Variants in RIMS2 observed in about 807,000 individuals in gnomAD.
The protein encoded by RIMS2 is regulating synaptic membrane exocytosis protein 2.
RIMS2 carries 59 observed loss-of-function variants against 174.4 expected under a neutral mutation model. The ratio of observed to expected loss-of-function variants is 0.34; its 90% CI spans 0.27 to 0.42. The LOEUF (loss-of-function observed/expected upper bound fraction) is 0.42. Ranked by LOEUF, RIMS2 falls within the 10% of genes least tolerant of loss-of-function variation. The pLI is 1.00. For missense variants in RIMS2, 1,620 were observed against 1,666.3 expected (o/e 0.97, Z 0.48); for synonymous variants, 606 against 572.5 (o/e 1.06, Z -0.84).
At chr8:103,763,258 T>A (rs1259218052) in intron 2 of RIMS2, among the ~76,000 whole-genome samples, 3 of 152,052 alleles carry the variant, frequency 2.0e-5, no homozygotes, top group Admixed American at 1.3e-4. Context: ...GGCAACATAG[T>A]GAAACCCCAT....
intron 1 of RIMS2, among the ~76,000 whole-genome samples, chr8:103,581,212 C>T (rs147134908): frequency 3.9e-4 from 60 of 152,208 alleles, no homozygotes; most frequent in African/African-American, 8.2e-4. Context: ...GACTGTAGAG[C>T]ATAAATGTAA....
chr8:103,910,002 A>C (rs1033380834), intron 4 of RIMS2: 1 of 523,446 alleles, frequency 1.9e-6, no homozygotes, highest in Non-Finnish European at 3.4e-6. Context: ...ATATATATAT[A>C]TATATAGTGA....
chr8:103,590,877 A>G (rs927255491), intron 1 of RIMS2, among the ~76,000 whole-genome samples: 1 of 151,120 alleles, frequency 6.6e-6, no homozygotes, highest in Non-Finnish European at 1.5e-5. Flanking sequence ...TTGTAGACAT[A>G]TGTTTTCATT....
At chr8:104,155,597 T>C (rs2098718634) in intron 19 of RIMS2, among the ~76,000 whole-genome samples, 1 of 150,670 alleles carries the variant, frequency 6.6e-6, no homozygotes, top group Non-Finnish European at 1.5e-5. Context: ...GTATTTTTAG[T>C]GGAGATGGGG....
In RIMS2 at chr8:103,814,965, T is replaced by C. The variant is rs1448975351; in HGVS notation, c.698+48428T>C. 2.6e-5 allele frequency among the ~76,000 whole-genome samples: 4 copies of C among 152,300 alleles called. No homozygotes were observed. In the East Asian group the frequency reaches 7.7e-4, roughly 29 times the overall value. On this transcript the variant is annotated intron_variant, in intron 3 of 23. Transcript: ENST00000504942. ...TTACTTGAGCATTGCTAAAGAAAAG[T>C]TCATGGGCCAACATTATACTTAATA...
At chr8:103,605,300 A>G (rs1588800368) in intron 1 of RIMS2, among the ~76,000 whole-genome samples, 1 of 144,728 alleles carries the variant, frequency 6.9e-6, no homozygotes, top group East Asian at 2.0e-4. Context: ...GCTGGATTAC[A>G]TTTATTGATT....
intron 1 of RIMS2, among the ~76,000 whole-genome samples, chr8:103,627,945 C>G (rs2095825836): frequency 6.6e-6 from 1 of 152,114 alleles, no homozygotes; most frequent in Non-Finnish European, 1.5e-5. Flanking sequence ...CTTTATGTAA[C>G]TGGGTGGTGA....
At chr8:104,073,784 C>T (rs1034085939) in intron 19 of RIMS2, among the ~76,000 whole-genome samples, 2 of 152,172 alleles carry the variant, frequency 1.3e-5, no homozygotes, top group Admixed American at 1.3e-4. Context: ...GCTTTTTCCC[C>T]AGGCTTCTAG....
At chr8:103,821,683 T>C (rs2098752705) in intron 3 of RIMS2, among the ~76,000 whole-genome samples, 4 of 151,710 alleles carry the variant, frequency 2.6e-5, no homozygotes, top group Admixed American at 6.6e-5. Flanking sequence ...CAAGGGTCTT[T>C]TAAACCTTTT....
chr8:104,050,958 A>G (rs2154558798), intron 19 of RIMS2, among the ~76,000 whole-genome samples: 1 of 152,284 alleles, frequency 6.6e-6, no homozygotes, highest in Non-Finnish European at 1.5e-5. Context: ...TAAATTGGCC[A>G]TGCGTGGTAG....
chr8:103,938,843 A>G (rs1223864695), intron 13 of RIMS2, among the ~76,000 whole-genome samples: 1 of 152,196 alleles, frequency 6.6e-6, no homozygotes, highest in Non-Finnish European at 1.5e-5. Context: ...GCAAGTCTGA[A>G]ATCCAGTGAG....
At chr8:104,054,860 T>C (rs775829237) in intron 19 of RIMS2, among the ~76,000 whole-genome samples, 1 of 152,156 alleles carries the variant, frequency 6.6e-6, no homozygotes, top group Non-Finnish European at 1.5e-5. Context: ...CAACATGTTA[T>C]TAGCATAAAG....
In RIMS2 at chr8:103,727,122, AT is replaced by A. The variant is rs545345911; in HGVS notation, c.387+29833del. 5.1e-3 allele frequency among the ~76,000 whole-genome samples: 782 copies of A among 152,058 alleles called. 2 individuals carry two copies. Among genetic ancestry groups the A allele is most frequent in the Non-Finnish European group, 7.9e-3 (534 of 67,952 alleles). ...TTATTTTTATATAGAAAGGATATAG[AT>A]TTTTTTGTGTTATTAATGTACACAG... On this transcript the variant is annotated intron_variant, in intron 2 of 23. Transcript: ENST00000504942.
intron 3 of RIMS2, among the ~76,000 whole-genome samples, chr8:103,775,945 G>C (rs1521063): frequency 0.12 from 17,634 of 152,128 alleles, 1,355 homozygotes; most frequent in Non-Finnish European, 0.17. Context: ...TCATTTAAGT[G>C]ACCTATAAAT....
chr8:104,245,073 T>C lies in RIMS2; in HGVS notation c.3476+16T>C, dbSNP rs372457219. ...CAGAAGGAAAGTGAGTGAGGCTGCA[T>C]GTGATGTGTGTCTCCTCCGTGCCTC... On this transcript the variant is annotated intron_variant, in intron 20 of 23. Coordinates refer to ENST00000504942, the Ensembl canonical transcript of RIMS2. 6.2e-7 allele frequency: 1 copy of C among 1,612,690 alleles called. No individual in the cohort carries two copies. Among genetic ancestry groups the C allele is most frequent in the Non-Finnish European group, 8.5e-7 (1 of 1,179,082 alleles).
intron 15 of RIMS2, among the ~76,000 whole-genome samples, chr8:103,971,632 T>C (rs2092887781): frequency 6.6e-6 from 1 of 151,894 alleles, no homozygotes; most frequent in African/African-American, 2.4e-5. Context: ...AGTGTAGTGG[T>C]GTGATCTCAG....
At chr8:104,105,708 T>C (rs1424011487) in intron 19 of RIMS2, among the ~76,000 whole-genome samples, 1 of 152,026 alleles carries the variant, frequency 6.6e-6, no homozygotes, top group Non-Finnish European at 1.5e-5. Context: ...ACTGGTACTA[T>C]ACAGGTACAT....
At chr8:103,767,551 G>GT (rs1227860191) in intron 3 of RIMS2, among the ~76,000 whole-genome samples, 3 of 152,202 alleles carry the variant, frequency 2.0e-5, no homozygotes, top group African/African-American at 7.2e-5. Flanking sequence ...TACTATTTCT[G>GT]TTGCCCAGAA....
intron 19 of RIMS2, chr8:104,068,557 A>T: frequency 6.4e-7 from 1 of 1,573,988 alleles, no homozygotes; most frequent in Non-Finnish European, 8.6e-7. Context: ...AAAATTAACA[A>T]ATACAAACAG....
Sources: gnomAD v4.1 joint callset for allele counts (sites outside exome capture counted in the v4.1 genomes callset) on GRCh38, gnomAD v4.1.1 for gene constraint, MANE v1.5 for transcripts, NCBI Gene and HGNC (gene_info 2026-07-23, HGNC 2026-07-21) for gene names.